The following SAMMSON variants were observed in gnomAD, a reference collection of about 807,000 sequenced individuals.
SAMMSON encodes long intergenic non-protein coding RNA 1212.
chr3:70,368,842 C>T (rs13314351), intron 9 of SAMMSON, among the ~76,000 whole-genome samples: 48,049 of 151,284 alleles, frequency 0.32, 7,997 homozygotes, highest in Middle Eastern at 0.36. Context: ...ATTGGCTACC[C>T]TAGGTAATTT....
chr3:70,251,234 A>G (rs1175879047), intron 6 of SAMMSON, among the ~76,000 whole-genome samples: 6 of 152,198 alleles, frequency 3.9e-5, no homozygotes, highest in Non-Finnish European at 8.8e-5. Context: ...CAGAATTTTG[A>G]GATGCCAATG....
At chr3:70,199,422 C>T (rs1366062843) in intron 4 of SAMMSON, among the ~76,000 whole-genome samples, 1 of 152,048 alleles carries the variant, frequency 6.6e-6, no homozygotes, top group Non-Finnish European at 1.5e-5. Context: ...CAAATTGGCA[C>T]TTGTTTCCTT....
chr3:70,402,855 C>A (rs563559691), intron 2 of SAMMSON, among the ~76,000 whole-genome samples: 1 of 151,928 alleles, frequency 6.6e-6, no homozygotes, highest in Non-Finnish European at 1.5e-5. Context: ...GAGCAAGACT[C>A]CATCTCAAAA....
chr3:70,414,043 G>C (rs1701243299), intron 2 of SAMMSON, among the ~76,000 whole-genome samples: 1 of 152,060 alleles, frequency 6.6e-6, no homozygotes, highest in Admixed American at 6.6e-5. Flanking sequence ...TTAATAAATA[G>C]AATATGAGAA....
intron 3 of SAMMSON, chr3:70,014,564 C>A (rs2066973484): frequency 2.6e-5 from 4 of 152,262 alleles, no homozygotes; most frequent in African/African-American, 9.6e-5. Context: ...CGGATCAGTT[C>A]TGTAGGTTAT....
rs866911332 is a variant in SAMMSON at position 70,130,351 on chromosome 3, G to C, written n.507+58786G>C. 2.0e-5 allele frequency among the ~76,000 whole-genome samples: 3 copies of C among 152,314 alleles called. No homozygotes were observed. In the South Asian group the frequency reaches 6.2e-4, roughly 32 times the overall value. Reference sequence around the variant, plus strand: ...GCAATAAGACTTGAGGGTTTCAAGAGAGGAATGGTATATTTTGCATGTGCT... The same window carrying C: ...GCAATAAGACTTGAGGGTTTCAAGACAGGAATGGTATATTTTGCATGTGCT... On this transcript the variant is annotated intron_variant and non_coding_transcript_variant, in intron 4 of 9. Transcript: ENST00000642114.
At chr3:70,277,767 A>T (rs549442651) in intron 6 of SAMMSON, among the ~76,000 whole-genome samples, 139 of 152,064 alleles carry the variant, frequency 9.1e-4, no homozygotes, top group Non-Finnish European at 1.7e-3. Context: ...ATGGGTGGGA[A>T]CTTGCTTAAT....
At chr3:70,125,256 A>G (rs1188589447) in intron 4 of SAMMSON, 46 of 1,270,336 alleles carry the variant, frequency 3.6e-5, no homozygotes, top group Non-Finnish European at 5.1e-5. Context: ...CGTATATCAA[A>G]CATGATCTAC....
intron 4 of SAMMSON, among the ~76,000 whole-genome samples, chr3:70,208,390 G>A (rs934117225): frequency 2.0e-5 from 3 of 152,030 alleles, no homozygotes; most frequent in African/African-American, 7.2e-5. Context: ...CCCTTTCCAA[G>A]GTTGTTTCTT....
chr3:70,118,121 A>G (rs2067419003), intron 4 of SAMMSON, among the ~76,000 whole-genome samples: 1 of 151,886 alleles, frequency 6.6e-6, no homozygotes, highest in Non-Finnish European at 1.5e-5. Context: ...CGGGGTTTTT[A>G]CCATGTTAGC....
At chr3:70,231,551 G>C (rs1575602655) in intron 4 of SAMMSON, among the ~76,000 whole-genome samples, 1 of 152,190 alleles carries the variant, frequency 6.6e-6, no homozygotes, top group Non-Finnish European at 1.5e-5. Context: ...TGACTTGTTA[G>C]TTGTGCTGGA....
At chr3:70,286,016 C>G (rs1434601396) in intron 6 of SAMMSON, among the ~76,000 whole-genome samples, 1 of 151,818 alleles carries the variant, frequency 6.6e-6, no homozygotes, top group East Asian at 1.9e-4. Context: ...GTTGCCTGTT[C>G]ACTCTGATGG....
rs1303606823 is a variant in SAMMSON, at chr3:70,244,343, T to C, written n.508-4764T>C. Among the ~76,000 whole-genome samples, 4 of 152,332 alleles carry C rather than the reference T, an allele frequency of 2.6e-5. No individual in the cohort carries two copies. In the South Asian group the frequency reaches 8.3e-4, roughly 32 times the overall value. On this transcript the variant is annotated intron_variant and non_coding_transcript_variant, in intron 4 of 9. Transcript: ENST00000642114. The stretch of plus-strand genomic sequence containing the variant: ...TCATGTTTAACATTTTCTCAATGCC[T>C]CTTTGAGTGAGTTACATCTATTATA...
chr3:70,193,211 A>C (rs1280790531), intron 4 of SAMMSON, among the ~76,000 whole-genome samples: 1 of 152,176 alleles, frequency 6.6e-6, no homozygotes, highest in Admixed American at 6.5e-5. Flanking sequence ...CTCTCCCCAC[A>C]TTCTGGGCTC....
At chr3:70,244,374 T>C (rs551204415) in intron 4 of SAMMSON, among the ~76,000 whole-genome samples, 1 of 152,336 alleles carries the variant, frequency 6.6e-6, no homozygotes, top group South Asian at 2.1e-4. Context: ...TTATATTTAA[T>C]GGCAGTCTTA....
chr3:70,196,201 C>A (rs886270940), intron 4 of SAMMSON, among the ~76,000 whole-genome samples: 3 of 152,056 alleles, frequency 2.0e-5, no homozygotes, highest in Non-Finnish European at 2.9e-5. Context: ...TAACTAAGAG[C>A]CTTTCTGTAA....
At chr3:70,044,104 G>T (rs1382896538) in intron 3 of SAMMSON, among the ~76,000 whole-genome samples, 1 of 151,720 alleles carries the variant, frequency 6.6e-6, no homozygotes, top group African/African-American at 2.4e-5. Context: ...TGCCTGTGGG[G>T]TTTTTTTTAA....
At chr3:70,375,054 G>C (rs984972006) in intron 9 of SAMMSON, among the ~76,000 whole-genome samples, 1 of 152,100 alleles carries the variant, frequency 6.6e-6, no homozygotes, top group African/African-American at 2.4e-5. Context: ...GTGTGCATGC[G>C]TGTAAAGTCC....
intron 4 of SAMMSON, among the ~76,000 whole-genome samples, chr3:70,074,523 T>C (rs2067241431): frequency 6.6e-6 from 1 of 152,126 alleles, no homozygotes; most frequent in Admixed American, 6.6e-5. Flanking sequence ...AATTTGATAG[T>C]GCTAAAGCAC....
Sources: allele counts gnomAD v4.1 joint callset (sites outside exome capture counted in the v4.1 genomes callset), GRCh38; gene constraint gnomAD v4.1.1; transcripts MANE v1.5; gene names NCBI Gene and HGNC (gene_info 2026-07-23, HGNC 2026-07-21).